MEGF11: variants seen among roughly 807,000 people sequenced by gnomAD.
The protein encoded by MEGF11 is multiple EGF like domains 11, also known as multiple epidermal growth factor-like domains protein 11.
In MEGF11, 126 loss-of-function variants were observed where a neutral mutation model predicts 146.6. The ratio of observed to expected loss-of-function variants is 0.86; its 90% CI spans 0.74 to 1.00. MEGF11 has a LOEUF of 1.00. Ranked by LOEUF, MEGF11 falls within the 50% of genes least tolerant of loss-of-function variation. The pLI is 0.00. For missense variants in MEGF11, 1,509 were observed against 1,521.2 expected (o/e 0.99, Z 0.13); for synonymous variants, 532 against 583.4 (o/e 0.91, Z 1.27).
rs971194212 is a variant in MEGF11, at chr15:65,912,129, G to A, written c.2782C>T (p.Pro928Ser). The change falls in exon 21 of 26, where the codon CCT (proline) becomes TCT (serine). Residue 928 changes from proline (P) to serine (S), a missense_variant. Transcript: ENST00000395614. ...SSYHALACGGPATSQASTLDR... is the reference protein window; with the variant it reads ...SSYHALACGGSATSQASTLDR... ...AGAGTGCTGGCCTGGCTGGTGGCAG[G>A]CCCCCCACATGCCAGTGCGTGGTAG... is the stretch of plus-strand genomic sequence containing the variant. 4 of 1,232,092 alleles carry A rather than the reference G, an allele frequency of 3.2e-6. No homozygotes were observed. The highest frequency in any genetic ancestry group is 3.1e-5 in the African/African-American group (2 of 64,468). 76.3% of individuals were successfully genotyped at this position (1,232,092 alleles called of 1,614,324 possible). A position where few individuals can be genotyped will look rare whatever the true frequency, so the allele number is the denominator to read the frequency against.
intron 5 of MEGF11, among the ~76,000 whole-genome samples, chr15:66,090,333 C>CATAT (rs2086271521): frequency 6.6e-6 from 1 of 152,212 alleles, no homozygotes; most frequent in Admixed American, 6.5e-5. Flanking sequence ...TGGGCAAAGA[C>CATAT]ATATGCATAA....
chr15:66,013,489 C>T (rs1472829832), intron 5 of MEGF11, among the ~76,000 whole-genome samples: 1 of 152,178 alleles, frequency 6.6e-6, no homozygotes, highest in Non-Finnish European at 1.5e-5. Context: ...AGTGACTTCT[C>T]TGTGCTGGGC....
intron 8 of MEGF11, among the ~76,000 whole-genome samples, chr15:65,967,546 C>CT (rs1342656983): frequency 6.6e-6 from 1 of 152,042 alleles, no homozygotes; most frequent in African/African-American, 2.4e-5. Flanking sequence ...GTCTGGATGA[C>CT]TCAGTTGTCT....
At chr15:65,957,151 A>T (rs750617947) in intron 10 of MEGF11, among the ~76,000 whole-genome samples, 1 of 152,242 alleles carries the variant, frequency 6.6e-6, no homozygotes, top group South Asian at 2.1e-4. Flanking sequence ...CTGCAGTGTT[A>T]TGAAGCCATT....
At chr15:66,224,753 T>C (rs1042345229) in intron 1 of MEGF11, among the ~76,000 whole-genome samples, 2 of 147,234 alleles carry the variant, frequency 1.4e-5, no homozygotes, top group Non-Finnish European at 3.0e-5. Flanking sequence ...TATATATATT[T>C]ATATATATAA....
intron 1 of MEGF11, among the ~76,000 whole-genome samples, chr15:66,210,052 C>T (rs1022619652): frequency 3.3e-5 from 5 of 152,250 alleles, no homozygotes; most frequent in Non-Finnish European, 7.4e-5. Context: ...TCTCAAACTT[C>T]TGAGTTCAAG....
At chr15:66,156,492 G>T (rs1159613861) in intron 1 of MEGF11, among the ~76,000 whole-genome samples, 2 of 152,062 alleles carry the variant, frequency 1.3e-5, no homozygotes, top group African/African-American at 4.8e-5. Flanking sequence ...GACAGCCACA[G>T]CTGGGGATCC....
intron 5 of MEGF11, among the ~76,000 whole-genome samples, chr15:66,054,188 C>T (rs1407779807): frequency 6.6e-6 from 1 of 152,200 alleles, no homozygotes; most frequent in African/African-American, 2.4e-5. Flanking sequence ...TCCTAAGTGC[C>T]TGCCTGGTTG....
intron 3 of MEGF11, among the ~76,000 whole-genome samples, chr15:66,122,247 G>C (rs555067164): frequency 1.2e-3 from 170 of 144,248 alleles, no homozygotes; most frequent in Non-Finnish European, 4.8e-4. Flanking sequence ...CTGGGCAACA[G>C]AGTGCGATTC....
chr15:66,195,054 T>C (rs73473759), intron 1 of MEGF11, among the ~76,000 whole-genome samples: 3,512 of 151,926 alleles, frequency 0.023, 137 homozygotes, highest in African/African-American at 0.081. Flanking sequence ...GTCCTCACAG[T>C]TCTGGAGGCT....
chr15:66,011,578 G>A lies in MEGF11; in HGVS notation c.395-29090C>T, dbSNP rs139475245. Among the ~76,000 whole-genome samples the A allele has an allele frequency of 7.3e-3, 1,114 of 152,130 alleles. 2 individuals carry two copies. Among genetic ancestry groups the A allele is most frequent in the Non-Finnish European group, 9.4e-3 (642 of 68,002 alleles). ...CAGACAAGTCACTCGGGCAAGTCGC[G>A]TAACTCCTCTGAGTGTTCCCTTCCC... On this transcript the variant is annotated intron_variant, in intron 5 of 25. Coordinates refer to ENST00000395614, the MANE Select transcript of MEGF11 (RefSeq NM_001385028.1).
At chr15:66,087,052 A>G (rs2086138927) in intron 5 of MEGF11, among the ~76,000 whole-genome samples, 1 of 152,230 alleles carries the variant, frequency 6.6e-6, no homozygotes, top group African/African-American at 2.4e-5. Flanking sequence ...AAACTTTAAA[A>G]CAACAGCAGT....
At chr15:66,041,260 TG>T (rs1373627739) in intron 5 of MEGF11, among the ~76,000 whole-genome samples, 1 of 152,170 alleles carries the variant, frequency 6.6e-6, no homozygotes, top group East Asian at 1.9e-4. Flanking sequence ...AGAGATAAAC[TG>T]TGTTTATTAA....
At chr15:65,925,416 A>T (rs2079336931) in intron 13 of MEGF11, among the ~76,000 whole-genome samples, 1 of 152,148 alleles carries the variant, frequency 6.6e-6, no homozygotes, top group Admixed American at 6.5e-5. Context: ...TGTGGTTCTT[A>T]TATGTCCCAA....
rs568722744 is a variant in MEGF11, at chr15:66,133,523, A to G, written c.-8-5112T>C. Among the ~76,000 whole-genome samples, 3 of 152,310 alleles carry G rather than the reference A, an allele frequency of 2.0e-5. No homozygotes were observed. In the South Asian group the frequency reaches 6.2e-4, roughly 32 times the overall value. On this transcript the variant is annotated intron_variant, in intron 1 of 25. Coordinates refer to ENST00000395614, the MANE Select transcript of MEGF11 (RefSeq NM_001385028.1). ...AAACAAAAAGCCAAGTTTGCACACA[A>G]TGGGGCAAATGCCAAGGTTATCGCC... is the stretch of plus-strand genomic sequence containing the variant.
At chr15:65,973,778 G>A (rs333564) in intron 7 of MEGF11, among the ~76,000 whole-genome samples, 113,592 of 152,136 alleles carry the variant, frequency 0.75, 43,459 homozygotes, top group Middle Eastern at 0.86. Context: ...GACTGTCTAA[G>A]ATGGAAAAGT....
chr15:65,960,832 C>G (rs2141522242), intron 9 of MEGF11, among the ~76,000 whole-genome samples: 1 of 152,342 alleles, frequency 6.6e-6, no homozygotes, highest in South Asian at 2.1e-4. Context: ...CCTAAGTACT[C>G]TTTGCATTTC....
intron 5 of MEGF11, among the ~76,000 whole-genome samples, chr15:65,994,203 CACTG>C (rs1352595966): frequency 6.6e-6 from 1 of 152,236 alleles, no homozygotes; most frequent in African/African-American, 2.4e-5. Flanking sequence ...CCCTAGGTCT[CACTG>C]AGGAAGTTCT....
chr15:66,191,962 C>T (rs1162510389), intron 1 of MEGF11, among the ~76,000 whole-genome samples: 1 of 151,974 alleles, frequency 6.6e-6, no homozygotes, highest in Non-Finnish European at 1.5e-5. Context: ...CCTGTAATCC[C>T]AGCTACTCAG....
Sources: gnomAD v4.1 joint callset for allele counts (sites outside exome capture counted in the v4.1 genomes callset) on GRCh38, gnomAD v4.1.1 for gene constraint, MANE v1.5 for transcripts, NCBI Gene and HGNC (gene_info 2026-07-23, HGNC 2026-07-21) for gene names.